PTPN6: variants seen among roughly 807,000 people sequenced by gnomAD.
PTPN6 encodes protein tyrosine phosphatase non-receptor type 6, also known as tyrosine-protein phosphatase non-receptor type 6.
A neutral mutation model predicts 81.5 loss-of-function variants in PTPN6; 18 were observed. The observed-to-expected ratio is 0.22, with a 90% CI of 0.15 to 0.33. The LOEUF (loss-of-function observed/expected upper bound fraction) is 0.33, where lower values mean the gene tolerates loss of function less well. Among genes scored for constraint, PTPN6 ranks in the 10% least tolerant of loss-of-function variants. The pLI, the probability that PTPN6 is intolerant of heterozygous loss-of-function variation, is 1.00. For missense variants in PTPN6, 500 were observed against 794.2 expected (o/e 0.63, Z 4.45); for synonymous variants, 301 against 310.9 (o/e 0.97, Z 0.33).
rs782334039 is a variant in PTPN6 at position 6,957,969 on chromosome 12, C to T, written c.1257C>T (p.Asp419=). ...ATTACCAGTACCTGAGCTGGCCCGACCATGGGGTCCCCAGTGAGCCTGGGG... is the reference window on the plus strand; with the variant it reads ...ATTACCAGTACCTGAGCTGGCCCGATCATGGGGTCCCCAGTGAGCCTGGGG... ...IWHYQYLSWP[D]HGVPSEPGGV... is the part of the protein sequence containing the mutation. Residue 419 remains aspartate, a synonymous_variant, in exon 11 of 16, where the codon GAC becomes GAT. Coordinates refer to ENST00000318974, the MANE Select transcript of PTPN6 (RefSeq NM_002831.6). The surrounding 1 kb of genome is among the most constrained non-coding windows in gnomAD (Gnocchi z 6.5). 1.9e-6 allele frequency: 3 copies of T among 1,613,868 alleles called. No homozygotes were observed. Among genetic ancestry groups the T allele is most frequent in the East Asian group, 2.2e-5 (1 of 44,874 alleles).
chr12:6,957,193 G>A lies in PTPN6; in HGVS notation c.1075-461G>A, dbSNP rs1555148854. 2.0e-5 allele frequency among the ~76,000 whole-genome samples: 3 copies of A among 152,212 alleles called. No individual in the cohort carries two copies. Among genetic ancestry groups the A allele is most frequent in the Non-Finnish European group, 4.4e-5 (3 of 68,044 alleles). On this transcript the variant is annotated intron_variant, in intron 9 of 15. Coordinates refer to ENST00000318974, the MANE Select transcript of PTPN6 (RefSeq NM_002831.6). This position sits in a 1 kb window ranked among gnomAD's most constrained non-coding sequence, Gnocchi z 6.5. ...ACTATCTCTGCCTGGCAGATGCCTC[G>A]TTTTTGAAGACACAGCCGGAGCGCT...
upstream of PTPN6, among the ~76,000 whole-genome samples, chr12:6,949,586 A>G (rs1263436707): frequency 6.6e-6 from 1 of 152,164 alleles, no homozygotes; most frequent in Non-Finnish European, 1.5e-5. Context: ...CCTACTAAGT[A>G]GGGTTGGCCT....
At chr12:6,946,928 GC>G (rs1331941143), upstream of PTPN6, among the ~76,000 whole-genome samples, 1 of 152,142 alleles carries the variant, frequency 6.6e-6, no homozygotes, top group Non-Finnish European at 1.5e-5. Flanking sequence ...ATGCTCCTCT[GC>G]CCCCTCTTTA....
In PTPN6 at chr12:6,956,286, A is replaced by G. The variant is rs1591688768; in HGVS notation, c.924+65A>G. 2.5e-6 allele frequency: 4 copies of G among 1,608,602 alleles called. No homozygotes were observed. Among genetic ancestry groups the G allele is most frequent in the Non-Finnish European group, 1.7e-6 (2 of 1,175,458 alleles). ...TGGGAATTCCCTGTCTGGTGGGGGG[A>G]CCCTAGATCCAGAGACAGCTGGGCA... is the stretch of plus-strand genomic sequence containing the variant. On this transcript the variant is annotated intron_variant, in intron 8 of 15. Transcript: ENST00000318974. The surrounding 1 kb of genome is among the most constrained non-coding windows in gnomAD (Gnocchi z 4.1).
Position 6,955,146 on chromosome 12 carries a change from C to T in PTPN6, c.517-5C>T. The T allele has an allele frequency of 1.9e-6, 3 of 1,614,142 alleles. No individual in the cohort carries two copies. The highest frequency in any genetic ancestry group is 2.5e-6 in the Non-Finnish European group (3 of 1,179,984). Reference sequence around the variant, plus strand: ...CTGTGAATGGCCTAATTTGGCTCCCCCCAGGGTGGACGCTACACAGTGGGT... The same window carrying T: ...CTGTGAATGGCCTAATTTGGCTCCCTCCAGGGTGGACGCTACACAGTGGGT... On this transcript the variant is annotated splice_polypyrimidine_tract_variant and splice_region_variant and intron_variant, in intron 4 of 15. Coordinates refer to ENST00000318974, the MANE Select transcript of PTPN6 (RefSeq NM_002831.6). The surrounding 1 kb of genome is among the most constrained non-coding windows in gnomAD (Gnocchi z 7.2).
In PTPN6 at chr12:6,955,388, G is replaced by T; in HGVS notation, c.650G>T (p.Arg217Met). The T allele has an allele frequency of 6.2e-7, 1 of 1,614,154 alleles. No individual in the cohort carries two copies. Among genetic ancestry groups the T allele is most frequent in the East Asian group, 2.2e-5 (1 of 44,864 alleles). ...VYLRQPYYAT[R>M]VNAADIENRV... ...CCACCCCAGCCGTACTATGCCACGA[G>T]GGTGAATGCGGCTGACATTGAGAAC... Residue 217 changes from arginine (R) to methionine (M), a missense_variant, in exon 6 of 16, where the codon AGG (arginine) becomes ATG (methionine). Arg to Met is a moderately conservative substitution (Grantham distance 91). Transcript: ENST00000318974. This position sits in a 1 kb window ranked among gnomAD's most constrained non-coding sequence, Gnocchi z 7.2.
chr12:6,947,739 T>TTAC (rs1945853369), upstream of PTPN6, among the ~76,000 whole-genome samples: 1 of 150,478 alleles, frequency 6.6e-6, no homozygotes, highest in Admixed American at 6.6e-5. Flanking sequence ...GCAGGTGACA[T>TTAC]TACTAGCTGG....
chr12:6,956,281 G>A lies in PTPN6; in HGVS notation c.924+60G>A, dbSNP rs1399817718. 1 of 1,609,090 alleles carries A rather than the reference G, an allele frequency of 6.2e-7. No individual in the cohort carries two copies. The highest frequency in any genetic ancestry group is 1.3e-5 in the African/African-American group (1 of 74,822). ...GGCCCTGGGAATTCCCTGTCTGGTG[G>A]GGGGACCCTAGATCCAGAGACAGCT... On this transcript the variant is annotated intron_variant, in intron 8 of 15. Coordinates refer to ENST00000318974, the MANE Select transcript of PTPN6 (RefSeq NM_002831.6). The surrounding 1 kb of genome is among the most constrained non-coding windows in gnomAD (Gnocchi z 4.1).
rs782384685 is a variant in PTPN6 at position 6,956,580 on chromosome 12, C to T, written c.1074+12C>T. 4.3e-6 allele frequency: 7 copies of T among 1,613,262 alleles called. No individual in the cohort carries two copies. The highest frequency in any genetic ancestry group is 1.7e-5 in the Admixed American group (1 of 60,014). ...TGGAGAAAGGCCGGGTAGGGCGCCCCCCCTTCCCCGCATCCGCCCCCGTGC... is the reference window on the plus strand; with the variant it reads ...TGGAGAAAGGCCGGGTAGGGCGCCCTCCCTTCCCCGCATCCGCCCCCGTGC... On this transcript the variant is annotated intron_variant, in intron 9 of 15. Transcript: ENST00000318974. The surrounding 1 kb of genome is among the most constrained non-coding windows in gnomAD (Gnocchi z 4.1).
chr12:6,952,308 G>C lies in PTPN6; in HGVS notation c.326+131G>C, dbSNP rs1306076937. 1 of 1,076,664 alleles carries C rather than the reference G, an allele frequency of 9.3e-7. No individual in the cohort carries two copies. Among genetic ancestry groups the C allele is most frequent in the African/African-American group, 1.6e-5 (1 of 64,320 alleles). 66.7% of individuals were successfully genotyped at this position (1,076,664 alleles called of 1,614,324 possible). A position where few individuals can be genotyped will look rare whatever the true frequency, so the allele number is the denominator to read the frequency against. The stretch of plus-strand genomic sequence containing the variant: ...TCCCCTCCCCTCCCTGCACCAGCTG[G>C]GGCTCTCAATGTCCCTCCTCCCTGC... On this transcript the variant is annotated intron_variant, in intron 3 of 15. Coordinates refer to ENST00000318974, the MANE Select transcript of PTPN6 (RefSeq NM_002831.6). This position sits in a 1 kb window ranked among gnomAD's most constrained non-coding sequence, Gnocchi z 8.1.
chr12:6,953,833 C>T (rs1322842638), intron 3 of PTPN6, among the ~76,000 whole-genome samples: 1 of 152,082 alleles, frequency 6.6e-6, no homozygotes, highest in Non-Finnish European at 1.5e-5. Flanking sequence ...CGGCTGGAGT[C>T]ACCTCCGGGC....
At chr12:6,958,267 C>A (rs1397760665) in intron 11 of PTPN6, among the ~76,000 whole-genome samples, 194 bp downstream of exon 11, 1 of 152,214 alleles carries the variant, frequency 6.6e-6, no homozygotes, top group Non-Finnish European at 1.5e-5. Flanking sequence ...CACTTTGGCC[C>A]TCTGCCTGTG....
At chr12:6,949,661 A>G (rs775361094), upstream of PTPN6, among the ~76,000 whole-genome samples, 110 of 152,266 alleles carry the variant, frequency 7.2e-4, no homozygotes, top group Non-Finnish European at 1.1e-3. Context: ...AGCTTTTCAC[A>G]TCAGTATTTG....
In PTPN6 at chr12:6,957,134, A is replaced by C. The variant is rs1946045741; in HGVS notation, c.1075-520A>C. Among the ~76,000 whole-genome samples, 1 of 152,138 alleles carries C rather than the reference A, an allele frequency of 6.6e-6. No homozygotes were observed. Among genetic ancestry groups the C allele is most frequent in the African/African-American group, 2.4e-5 (1 of 41,430 alleles). On this transcript the variant is annotated intron_variant, in intron 9 of 15. Transcript: ENST00000318974. The surrounding 1 kb of genome is among the most constrained non-coding windows in gnomAD (Gnocchi z 6.5). ...CAGGTTCCCAGCCTTTCTTTGCACA[A>C]GCTCATTTTCTGCTAGGAAATGACT...
At chr12:6,947,010 C>G (rs1231255573), upstream of PTPN6, among the ~76,000 whole-genome samples, 1 of 152,186 alleles carries the variant, frequency 6.6e-6, no homozygotes, top group Non-Finnish European at 1.5e-5. Context: ...TGGGCTCCTG[C>G]TTCTGCCTCC....
In PTPN6 at chr12:6,957,523, C is replaced by G; in HGVS notation, c.1075-131C>G. ...AGACGAGAGCCCAGGTCTCCTGCCTCTCTGCCAGCCCATCCGTCCATCCAA... is the reference window on the plus strand; with the variant it reads ...AGACGAGAGCCCAGGTCTCCTGCCTGTCTGCCAGCCCATCCGTCCATCCAA... On this transcript the variant is annotated intron_variant, in intron 9 of 15. Transcript: ENST00000318974. This position sits in a 1 kb window ranked among gnomAD's most constrained non-coding sequence, Gnocchi z 6.5. 7.8e-7 allele frequency: 1 copy of G among 1,275,598 alleles called. No individual in the cohort carries two copies. The highest frequency in any genetic ancestry group is 1.1e-6 in the Non-Finnish European group (1 of 914,188). 79.0% of individuals were successfully genotyped at this position (1,275,598 alleles called of 1,614,324 possible).
upstream of PTPN6, chr12:6,946,676 G>GC (rs1555146803): frequency 2.6e-6 from 4 of 1,547,364 alleles, no homozygotes; most frequent in African/African-American, 2.7e-5. Context: ...CGCTGGCTCA[G>GC]CCCCGCCCCC....
Position 6,957,634 on chromosome 12 carries a change from A to AC in PTPN6, c.1075-17dup. 1 of 914,100 alleles carries AC rather than the reference A, an allele frequency of 1.1e-6. No individual in the cohort carries two copies. The highest frequency in any genetic ancestry group is 1.8e-5 in the African/African-American group (1 of 56,968). 56.6% of individuals were successfully genotyped at this position (914,100 alleles called of 1,614,324 possible). A position where few individuals can be genotyped will look rare whatever the true frequency, so the allele number is the denominator to read the frequency against. On this transcript the variant is annotated intron_variant, in intron 9 of 15. Transcript: ENST00000318974. This position sits in a 1 kb window ranked among gnomAD's most constrained non-coding sequence, Gnocchi z 6.5. The stretch of plus-strand genomic sequence containing the variant: ...GTGCCCTGCTCTGTGCCTCATCCCC[A>AC]CCCGACCCTCCCTTTCCAGAACAAA...
Position 6,955,126 on chromosome 12 carries a change from A to G in PTPN6, c.517-25A>G. 6.2e-7 allele frequency: 1 copy of G among 1,612,400 alleles called. No individual in the cohort carries two copies. The highest frequency in any genetic ancestry group is 8.5e-7 in the Non-Finnish European group (1 of 1,178,444). ...CAGGGAGGGAGACTCAAGTCCTGTGAATGGCCTAATTTGGCTCCCCCCAGG... is the reference window on the plus strand; with the variant it reads ...CAGGGAGGGAGACTCAAGTCCTGTGGATGGCCTAATTTGGCTCCCCCCAGG... On this transcript the variant is annotated intron_variant, in intron 4 of 15. Transcript: ENST00000318974. This position sits in a 1 kb window ranked among gnomAD's most constrained non-coding sequence, Gnocchi z 7.2.
Sources: gnomAD v4.1 joint callset for allele counts (sites outside exome capture counted in the v4.1 genomes callset) on GRCh38, gnomAD v4.1.1 for gene constraint, Gnocchi (gnomAD v3.1) non-coding constraint, MANE v1.5 for transcripts, NCBI Gene and HGNC (gene_info 2026-07-23, HGNC 2026-07-21) for gene names.